The following TPCN1 variants were observed in gnomAD, a reference collection of about 807,000 sequenced individuals.
TPCN1 encodes the protein two pore channel protein 1.
A neutral mutation model predicts 108.8 loss-of-function variants in TPCN1; 52 were observed. That is an observed-to-expected ratio of 0.48 (90% CI 0.38 to 0.60). TPCN1 has a LOEUF of 0.60. TPCN1 is among the 20% of genes least tolerant of loss of function. TPCN1 has a pLI of 0.00. For missense variants in TPCN1, 806 were observed against 1,072.8 expected, an observed-to-expected ratio of 0.75 and a Z score of 3.47; for synonymous variants, 446 against 433.7, an observed-to-expected ratio of 1.03 and a Z score of -0.35.
chr12:113,254,604 G>A (rs1000599174), intron 2 of TPCN1, among the ~76,000 whole-genome samples: 1 of 152,128 alleles, frequency 6.6e-6, no homozygotes, highest in Non-Finnish European at 1.5e-5. Context: ...AAATGCTTGG[G>A]TCCAGAAGTA....
chr12:113,225,219 TA>T (rs761883794), intron 1 of TPCN1: 4 of 453,212 alleles, frequency 8.8e-6, no homozygotes, highest in South Asian at 6.2e-5. Context: ...CATACCCAGC[TA>T]ATTTAAAATT....
chr12:113,224,626 G>C (rs1297918599), intron 1 of TPCN1, among the ~76,000 whole-genome samples: 1 of 152,046 alleles, frequency 6.6e-6, no homozygotes, highest in African/African-American at 2.4e-5. Flanking sequence ...TTGATCTCCT[G>C]ACCTCGTGAT....
rs754314089 is a variant in TPCN1 at position 113,273,344 on chromosome 12, T to G, written c.842+54T>G. 127 of 1,566,382 alleles carry G rather than the reference T, an allele frequency of 8.1e-5. No homozygotes were observed. Among genetic ancestry groups the G allele is most frequent in the Admixed American group, 1.7e-4 (10 of 59,918 alleles). ...TCCTCTGCTGCCGCCCTGGGGTCTC[T>G]TTCTCTTTTCTGCCAAGTATATTCC... On this transcript the variant is annotated intron_variant, in intron 9 of 27. Coordinates refer to ENST00000335509, the MANE Select transcript of TPCN1 (RefSeq NM_017901.6). The surrounding 1 kb of genome is among the most constrained non-coding windows in gnomAD (Gnocchi z 4.0).
chr12:113,245,621 A>AG (rs1346055618), intron 2 of TPCN1, among the ~76,000 whole-genome samples: 2 of 149,860 alleles, frequency 1.3e-5, no homozygotes, highest in African/African-American at 4.9e-5. Flanking sequence ...AAAAAAAAAA[A>AG]GAAAAGAAAA....
At chr12:113,254,224 A>G (rs567581333) in intron 2 of TPCN1, among the ~76,000 whole-genome samples, 2 of 152,396 alleles carry the variant, frequency 1.3e-5, no homozygotes, top group South Asian at 4.1e-4. Context: ...AGGCCCAGAT[A>G]GCTTTCCTGG....
chr12:113,298,572 C>T lies in TPCN1; in HGVS notation c.*2496C>T, dbSNP rs964136898. 5 of 152,390 alleles carry T rather than the reference C, an allele frequency of 3.3e-5. No homozygotes were observed. Among genetic ancestry groups the T allele is most frequent in the Middle Eastern group, 3.4e-3 (1 of 296 alleles). 9.4% of individuals were successfully genotyped at this position (152,390 alleles called of 1,614,324 possible). A position where few individuals can be genotyped will look rare whatever the true frequency, so the allele number is the denominator to read the frequency against. On this transcript the variant is annotated 3_prime_UTR_variant, in exon 28 of 28. Transcript: ENST00000335509. ...ATTTCTAGCACATTACTAAAAGAGC[C>T]TCTGCTTTGTAAACATGGCTGCTGC...
At chr12:113,226,536 C>T (rs1385254475) in intron 1 of TPCN1, among the ~76,000 whole-genome samples, 192 bp from the exon 2 acceptor site, 1 of 152,206 alleles carries the variant, frequency 6.6e-6, no homozygotes, top group East Asian at 1.9e-4. Flanking sequence ...CCACCTTGGC[C>T]TCCCAAAGTG....
At chr12:113,259,923 T>G (rs17701813) in intron 2 of TPCN1, among the ~76,000 whole-genome samples, 2 of 152,206 alleles carry the variant, frequency 1.3e-5, no homozygotes, top group Admixed American at 6.5e-5. Context: ...ACAAATCCAG[T>G]TGTTTTTAAT....
rs576729534 is a variant in TPCN1 at position 113,278,626 on chromosome 12, G to A, written c.1234-146G>A. On this transcript the variant is annotated intron_variant, in intron 13 of 27. Transcript: ENST00000335509. ...TGTAAACGCTCGGTACACACTGGCTGGCTGTGTTGTCATGTAGATCCCTGA... is the reference window on the plus strand; with the variant it reads ...TGTAAACGCTCGGTACACACTGGCTAGCTGTGTTGTCATGTAGATCCCTGA... The A allele has an allele frequency of 3.4e-5, 22 of 650,394 alleles. No individual in the cohort carries two copies. In the African/African-American group the frequency reaches 3.4e-4, roughly 10 times the overall value. The allele number at this position is 650,394 out of a possible 1,614,324, so 40.3% of individuals were successfully genotyped here. A position where few individuals can be genotyped will look rare whatever the true frequency, so the allele number is the denominator to read the frequency against.
intron 2 of TPCN1, chr12:113,244,456 A>G: frequency 1.0e-6 from 1 of 985,362 alleles, no homozygotes; most frequent in Non-Finnish European, 1.2e-6. Context: ...CTTGCAACCA[A>G]TTATCAGAAA....
intron 2 of TPCN1, among the ~76,000 whole-genome samples, chr12:113,235,382 C>A (rs16942652): frequency 3.3e-5 from 5 of 151,942 alleles, no homozygotes; most frequent in Non-Finnish European, 7.4e-5. Context: ...AACTTTAGAC[C>A]GCTACTGTTT....
intron 1 of TPCN1, among the ~76,000 whole-genome samples, chr12:113,223,030 T>A (rs1177598977): frequency 2.6e-5 from 4 of 152,164 alleles, no homozygotes; most frequent in Non-Finnish European, 5.9e-5. Context: ...AAAACGACAA[T>A]ACAACCATAA....
chr12:113,275,431 A>T (rs1293823381), intron 10 of TPCN1, among the ~76,000 whole-genome samples: 3 of 151,414 alleles, frequency 2.0e-5, no homozygotes, highest in Non-Finnish European at 4.4e-5. Context: ...TTTGGTAGAG[A>T]CAGGGTTTTG....
intron 10 of TPCN1, among the ~76,000 whole-genome samples, chr12:113,274,518 T>C (rs911664655): frequency 1.3e-5 from 2 of 152,152 alleles, no homozygotes; most frequent in Non-Finnish European, 2.9e-5. Context: ...ACATGTTCAG[T>C]ACAGATACAA....
intron 3 of TPCN1, among the ~76,000 whole-genome samples, chr12:113,263,993 T>A (rs973612573): frequency 2.0e-5 from 3 of 152,202 alleles, no homozygotes; most frequent in African/African-American, 4.8e-5. Flanking sequence ...AGAGTTAAAA[T>A]CTGAGCCCCA....
rs1226015054 is a variant in TPCN1, at chr12:113,289,181, C to G, written c.1796+334C>G. ...TCCTGGAGTGGCTGGGGACCTGGGC[C>G]AAGACCAGTCTTCTAGGGACAGCAT... On this transcript the variant is annotated intron_variant, in intron 21 of 27. Coordinates refer to ENST00000335509, the MANE Select transcript of TPCN1 (RefSeq NM_017901.6). The surrounding 1 kb of genome is among the most constrained non-coding windows in gnomAD (Gnocchi z 4.1). Among the ~76,000 whole-genome samples the G allele has an allele frequency of 6.6e-6, 1 of 152,146 alleles. No homozygotes were observed. Among genetic ancestry groups the G allele is most frequent in the Non-Finnish European group, 1.5e-5 (1 of 68,020 alleles).
At chr12:113,276,404 C>G (rs1029148472) in intron 10 of TPCN1, among the ~76,000 whole-genome samples, 7 of 152,202 alleles carry the variant, frequency 4.6e-5, no homozygotes, top group Non-Finnish European at 1.0e-4. Context: ...CTCTCACTCC[C>G]CTTTTTCCTG....
In TPCN1 at chr12:113,224,901, C is replaced by G. The variant is rs931694376; in HGVS notation, c.-125-1827C>G. 2.0e-5 allele frequency among the ~76,000 whole-genome samples: 3 copies of G among 152,132 alleles called. No individual in the cohort carries two copies. The South Asian group carries it at 6.2e-4, about 31-fold the overall frequency. On this transcript the variant is annotated intron_variant, in intron 1 of 27. Transcript: ENST00000335509. ...GAGTAGCTGGGATTACAGGCGCAAG[C>G]CACCACACCCAGCTAATTTTTGTAT... is the stretch of plus-strand genomic sequence containing the variant.
At position 113,268,032 on chromosome 12, in the gene TPCN1, C is replaced by T; in HGVS notation, c.528+76C>T. On this transcript the variant is annotated intron_variant, in intron 5 of 27. Coordinates refer to ENST00000335509, the MANE Select transcript of TPCN1 (RefSeq NM_017901.6). The surrounding 1 kb of genome is among the most constrained non-coding windows in gnomAD (Gnocchi z 7.3). ...CACCTTCAAACCTGTCTCTTTGGTA[C>T]AATTCAGAATCCACCATGGGCCCAG... The T allele has an allele frequency of 2.8e-6, 3 of 1,071,948 alleles. No individual in the cohort carries two copies. Among genetic ancestry groups the T allele is most frequent in the Non-Finnish European group, 4.2e-6 (3 of 712,268 alleles). 66.4% of individuals were successfully genotyped at this position (1,071,948 alleles called of 1,614,324 possible). A position where few individuals can be genotyped will look rare whatever the true frequency, so the allele number is the denominator to read the frequency against.
Sources: gnomAD v4.1 joint callset for allele counts (sites outside exome capture counted in the v4.1 genomes callset) on GRCh38, gnomAD v4.1.1 for gene constraint, Gnocchi (gnomAD v3.1) non-coding constraint, MANE v1.5 for transcripts, NCBI Gene and HGNC (gene_info 2026-07-23, HGNC 2026-07-21) for gene names.